The following ZNF251 variants were observed in gnomAD, a reference collection of about 807,000 sequenced individuals.
ZNF251 encodes zinc finger protein 251.
Under a neutral mutation model 13.5 loss-of-function variants are expected in ZNF251, and 14 were observed. The ratio of observed to expected loss-of-function variants is 1.04; its 90% confidence interval spans 0.69 to 1.63. The LOEUF (loss-of-function observed/expected upper bound fraction) is 1.63, where lower values mean the gene tolerates loss of function less well. Ranked by LOEUF, ZNF251 falls within the 40% of genes most tolerant of loss-of-function variation. ZNF251 has a pLI of 0.00. For missense variants in ZNF251, 764 were observed against 834.9 expected (o/e 0.92, Z 1.05); for synonymous variants, 287 against 295.2 (o/e 0.97, Z 0.28).
chr8:144,735,377 G>A (rs1352982407), intron 4 of ZNF251, among the ~76,000 whole-genome samples: 1 of 106,682 alleles, frequency 9.4e-6, no homozygotes, highest in Non-Finnish European at 1.9e-5. Flanking sequence ...GCAAGACTCC[G>A]TCTCAAAAAA....
intron 4 of ZNF251, among the ~76,000 whole-genome samples, chr8:144,745,185 ATTC>A (rs1161203033): frequency 5.3e-5 from 7 of 133,034 alleles, no homozygotes; most frequent in African/African-American, 8.7e-5. Context: ...GGGTGTCTAG[ATTC>A]TTTTTTTTTT....
chr8:144,738,894 G>T (rs1320624620), intron 4 of ZNF251, among the ~76,000 whole-genome samples: 1 of 152,076 alleles, frequency 6.6e-6, no homozygotes, highest in Non-Finnish European at 1.5e-5. Context: ...CCTCCTAAGG[G>T]CTTCCTCACT....
At chr8:144,744,742 G>C (rs1000658141) in intron 4 of ZNF251, among the ~76,000 whole-genome samples, 1 of 152,142 alleles carries the variant, frequency 6.6e-6, no homozygotes, top group Non-Finnish European at 1.5e-5. Context: ...ACTGATCTCG[G>C]ACGTGTAGCC....
In ZNF251 at chr8:144,732,264, A is replaced by G. The variant is rs570908166; in HGVS notation, c.278-8882T>C. Among the ~76,000 whole-genome samples the G allele has an allele frequency of 1.3e-4, 20 of 152,322 alleles. 1 individual carries two copies. The South Asian group carries it at 3.9e-3, about 30-fold the overall frequency. On this transcript the variant is annotated intron_variant, in intron 4 of 4. Transcript: ENST00000292562. Reference sequence around the variant, plus strand: ...AGCCTTGCAATTTACTTTAAAAACAAAAACAAAGTACATGATGGGTCTGGT... The same window carrying G: ...AGCCTTGCAATTTACTTTAAAAACAGAAACAAAGTACATGATGGGTCTGGT...
chr8:144,739,769 C>T (rs1403730448), intron 4 of ZNF251, among the ~76,000 whole-genome samples: 4 of 151,982 alleles, frequency 2.6e-5, no homozygotes, highest in East Asian at 1.9e-4. Flanking sequence ...CATGGTGGAG[C>T]GCACCTGTAG....
Position 144,723,118 on chromosome 8 carries a change from T to C in ZNF251, c.542A>G (p.Gln181Arg). ...GTTTCTATCAAATGCACTACACTCT[T>C]GGGTTCTTTCTCCCAAAGATCTTTC... ...GRERSLGERT[Q>R]ECSAFDRNLN... The change falls in exon 5 of 5, where the codon CAA (glutamine) becomes CGA (arginine). Residue 181 changes from glutamine (Q) to arginine (R), a missense_variant. Physicochemically the swap from Gln to Arg is conservative, Grantham distance 43. Coordinates refer to ENST00000292562, the MANE Select transcript of ZNF251 (RefSeq NM_138367.2). 6.2e-7 allele frequency: 1 copy of C among 1,613,896 alleles called. No homozygotes were observed. The highest frequency in any genetic ancestry group is 8.5e-7 in the Non-Finnish European group (1 of 1,179,836).
chr8:144,751,952 C>T (rs1250333874), intron 4 of ZNF251, among the ~76,000 whole-genome samples: 1 of 151,786 alleles, frequency 6.6e-6, no homozygotes, highest in Non-Finnish European at 1.5e-5. Flanking sequence ...AATGTATTAC[C>T]AGAGACAAAC....
intron 4 of ZNF251, chr8:144,730,012 A>T (rs1010721442): frequency 9.6e-5 from 94 of 983,800 alleles, no homozygotes; most frequent in Non-Finnish European, 1.1e-4. Flanking sequence ...TGTTCCCAGG[A>T]GCGGGTGCCC....
At chr8:144,755,201 G>C in intron 1 of ZNF251, 1 of 1,169,920 alleles carries the variant, frequency 8.5e-7, no homozygotes, top group Non-Finnish European at 1.1e-6. Flanking sequence ...CCGGGGAGAG[G>C]CCGGAAGCCA....
At chr8:144,737,222 C>A (rs137911845) in intron 4 of ZNF251, among the ~76,000 whole-genome samples, 1 of 151,804 alleles carries the variant, frequency 6.6e-6, no homozygotes, top group South Asian at 2.1e-4. Flanking sequence ...CTCAGCCTCC[C>A]GAGTAGCTAG....
In ZNF251 at chr8:144,753,576, G is replaced by C. The variant is rs572719213; in HGVS notation, c.277+107C>G. The C allele has an allele frequency of 6.3e-6, 5 of 795,158 alleles. No homozygotes were observed. In the South Asian group the frequency reaches 8.1e-5, roughly 13 times the overall value. 49.3% of individuals were successfully genotyped at this position (795,158 alleles called of 1,614,324 possible). On this transcript the variant is annotated intron_variant, in intron 4 of 4. Transcript: ENST00000292562. ...GGCTGTATCTGTGAGACTGCCCCTG[G>C]GGGAGGCCATTAATATGAACGCCAT...
chr8:144,738,857 T>C (rs1430298154), intron 4 of ZNF251, among the ~76,000 whole-genome samples: 1 of 152,102 alleles, frequency 6.6e-6, no homozygotes, highest in Non-Finnish European at 1.5e-5. Context: ...GGCAACCTCA[T>C]GGGGGCACCT....
At chr8:144,755,036 C>A in intron 1 of ZNF251, 1 of 1,359,908 alleles carries the variant, frequency 7.4e-7, no homozygotes, top group Non-Finnish European at 9.4e-7. Flanking sequence ...TGGCAGTTCC[C>A]GTGGTCCAGA....
intron 4 of ZNF251, chr8:144,738,541 TC>T: frequency 1.0e-6 from 1 of 984,792 alleles, no homozygotes; most frequent in Middle Eastern, 5.2e-4. Flanking sequence ...GCTTTACTCA[TC>T]CCCGGCCCCT....
chr8:144,749,550 G>A (rs886185612), intron 4 of ZNF251, among the ~76,000 whole-genome samples: 1 of 152,126 alleles, frequency 6.6e-6, no homozygotes, highest in Non-Finnish European at 1.5e-5. Flanking sequence ...TACCACATTT[G>A]TTACCATTTT....
intron 4 of ZNF251, among the ~76,000 whole-genome samples, chr8:144,745,732 A>G (rs531320047): frequency 6.8e-4 from 103 of 152,120 alleles, no homozygotes; most frequent in African/African-American, 2.4e-3. Flanking sequence ...ATTTTTTTGT[A>G]GATATGGGGT....
At chr8:144,740,600 C>T (rs1824113994) in intron 4 of ZNF251, among the ~76,000 whole-genome samples, 1 of 150,772 alleles carries the variant, frequency 6.6e-6, no homozygotes, top group African/African-American at 2.4e-5. Context: ...GGCACCACTG[C>T]ACTCCAGCCT....
intron 4 of ZNF251, among the ~76,000 whole-genome samples, chr8:144,737,694 T>C (rs1289719423): frequency 1.4e-5 from 2 of 147,910 alleles, no homozygotes; most frequent in Non-Finnish European, 3.0e-5. Context: ...TAGCCAGGCG[T>C]GGTGGCAGGC....
intron 4 of ZNF251, among the ~76,000 whole-genome samples, chr8:144,737,981 T>G (rs1823981765): frequency 6.6e-6 from 1 of 152,146 alleles, no homozygotes. Flanking sequence ...CTGCTGACAC[T>G]GTTACCACCC....
Sources: allele counts gnomAD v4.1 joint callset (sites outside exome capture counted in the v4.1 genomes callset), GRCh38; gene constraint gnomAD v4.1.1; transcripts MANE v1.5; gene names NCBI Gene and HGNC (gene_info 2026-07-23, HGNC 2026-07-21).